SRPK2: variants seen among roughly 807,000 people sequenced by gnomAD.
SRPK2 encodes the protein SRSF protein kinase 2.
In SRPK2, 21 loss-of-function variants were observed where a neutral mutation model predicts 90.8. The ratio of observed to expected loss-of-function variants is 0.23; its 90% confidence interval spans 0.16 to 0.33. The LOEUF is 0.33. Ranked by LOEUF, SRPK2 falls within the 10% of genes least tolerant of loss-of-function variation. SRPK2 has a pLI of 1.00. For synonymous variants in SRPK2, 288 were observed against 311.1 expected (o/e 0.93, Z 0.78); for missense variants, 620 against 869.0 (o/e 0.71, Z 3.60).
chr7:105,301,487 G>A (rs138847723), intron 2 of SRPK2: 14,293 of 1,100,422 alleles, frequency 0.013, 188 homozygotes, highest in South Asian at 0.041. Flanking sequence ...TGCAAGCACC[G>A]TCCACTCAGG....
intron 2 of SRPK2, among the ~76,000 whole-genome samples, chr7:105,224,080 AT>A (rs1349033004): frequency 3.3e-5 from 5 of 152,200 alleles, no homozygotes; most frequent in Non-Finnish European, 4.4e-5. Context: ...GCAATTATTT[AT>A]TTTAGATTGA....
chr7:105,252,198 A>G (rs1802568844), intron 2 of SRPK2, among the ~76,000 whole-genome samples: 1 of 152,240 alleles, frequency 6.6e-6, no homozygotes, highest in Non-Finnish European at 1.5e-5. Context: ...ACAAGGACAA[A>G]TAACTGAGTG....
intron 2 of SRPK2, among the ~76,000 whole-genome samples, chr7:105,323,433 A>T (rs919109991): frequency 1.3e-5 from 2 of 152,224 alleles, no homozygotes; most frequent in South Asian, 2.1e-4. Flanking sequence ...CTAAATTTCA[A>T]ATTTCCAACT....
chr7:105,145,250 G>A, intron 9 of SRPK2, 33 bp downstream of exon 9: 1 of 1,531,318 alleles, frequency 6.5e-7, no homozygotes, highest in Non-Finnish European at 8.8e-7. Context: ...CTTTTAACAT[G>A]GTGCATATAA....
At chr7:105,152,965 C>T (rs896203051) in intron 7 of SRPK2, among the ~76,000 whole-genome samples, 6 of 152,086 alleles carry the variant, frequency 3.9e-5, no homozygotes, top group South Asian at 4.1e-4. Flanking sequence ...ACTCAGGAGG[C>T]GGAGGTTGCA....
chr7:105,374,075 T>C (rs377126987), intron 2 of SRPK2, among the ~76,000 whole-genome samples: 2 of 152,056 alleles, frequency 1.3e-5, no homozygotes, highest in East Asian at 1.9e-4. Flanking sequence ...TTATGGCACA[T>C]GCCACCACGC....
rs1280336355 is a variant in SRPK2, at chr7:105,170,971, AAGAAAG to A, written c.230-1712_230-1707del. On this transcript the variant is annotated intron_variant, in intron 3 of 15. Coordinates refer to ENST00000393651, the MANE Select transcript of SRPK2 (RefSeq NM_182692.3). ...AGAAAGAAAGAAAGAAAGAAAGAGA[AAGAAAG>A]AGAAAGAAAGAAAGAAAGAGAAAGA... 2.5e-4 allele frequency among the ~76,000 whole-genome samples: 20 copies of A among 81,316 alleles called. 3 individuals are homozygous for A. Among genetic ancestry groups the A allele is most frequent in the African/African-American group, 7.6e-4 (15 of 19,690 alleles). 53.3% of individuals were successfully genotyped at this position (81,316 alleles called of 152,430 possible). A position where few individuals can be genotyped will look rare whatever the true frequency, so the allele number is the denominator to read the frequency against.
intron 2 of SRPK2, among the ~76,000 whole-genome samples, chr7:105,374,646 C>T (rs1007660391): frequency 7.2e-5 from 11 of 152,032 alleles, no homozygotes; most frequent in African/African-American, 2.2e-4. Context: ...ATTCGGTCGC[C>T]CAGGTTGGAG....
chr7:105,153,102 G>A (rs1805963432), intron 7 of SRPK2, among the ~76,000 whole-genome samples: 1 of 152,138 alleles, frequency 6.6e-6, no homozygotes, highest in African/African-American at 2.4e-5. Context: ...TGGCTGCCAG[G>A]GAAGCTGAGA....
At chr7:105,379,548 C>T (rs1820698421) in intron 2 of SRPK2, among the ~76,000 whole-genome samples, 1 of 152,058 alleles carries the variant, frequency 6.6e-6, no homozygotes, top group South Asian at 2.1e-4. Context: ...AGTTGTTGCT[C>T]CTAGGTGGTA....
intron 2 of SRPK2, among the ~76,000 whole-genome samples, chr7:105,265,383 G>C (rs1203963297): frequency 1.3e-5 from 2 of 152,160 alleles, no homozygotes; most frequent in Non-Finnish European, 2.9e-5. Flanking sequence ...AAGTACACAG[G>C]TTATGTGCAA....
rs369976745 is a variant in SRPK2 at position 105,161,788 on chromosome 7, G to C, written c.515-1175C>G. Reference sequence around the variant, plus strand: ...TTAAGACCTATTTAATCTTTTCCTTGAATAATATCTTACATTATACAACTA... The same window carrying C: ...TTAAGACCTATTTAATCTTTTCCTTCAATAATATCTTACATTATACAACTA... On this transcript the variant is annotated intron_variant, in intron 6 of 15. Transcript: ENST00000393651. 8.5e-4 allele frequency among the ~76,000 whole-genome samples: 130 copies of C among 152,194 alleles called. 2 individuals are homozygous for C. In the South Asian group the frequency reaches 0.026, roughly 31 times the overall value.
intron 2 of SRPK2, among the ~76,000 whole-genome samples, chr7:105,372,007 C>T (rs547915514): frequency 1.3e-5 from 2 of 151,598 alleles, no homozygotes; most frequent in Admixed American, 6.6e-5. Context: ...TGGTGGCGGG[C>T]GCCTGTAGTC....
intron 11 of SRPK2, among the ~76,000 whole-genome samples, chr7:105,140,465 G>A (rs1325220952): frequency 6.6e-6 from 1 of 151,924 alleles, no homozygotes; most frequent in Non-Finnish European, 1.5e-5. Flanking sequence ...GCCGGGCATG[G>A]TGACGGGCGC....
At chr7:105,141,051 T>A (rs560366653) in intron 11 of SRPK2, among the ~76,000 whole-genome samples, 9 of 152,266 alleles carry the variant, frequency 5.9e-5, no homozygotes, top group African/African-American at 1.9e-4. Context: ...TACTGCCCTT[T>A]CCCAGAAATT....
chr7:105,369,074 T>C (rs1490724475), intron 2 of SRPK2, among the ~76,000 whole-genome samples: 1 of 151,448 alleles, frequency 6.6e-6, no homozygotes, highest in Non-Finnish European at 1.5e-5. Context: ...TCTCTCAGAG[T>C]AGAGCCACCT....
chr7:105,287,475 G>A (rs887072750), intron 2 of SRPK2, among the ~76,000 whole-genome samples: 9 of 152,026 alleles, frequency 5.9e-5, no homozygotes, highest in African/African-American at 9.7e-5. Context: ...AGTGGCTCAC[G>A]CCTGTAATCC....
chr7:105,159,894 G>A (rs1357132710), intron 7 of SRPK2, among the ~76,000 whole-genome samples: 2 of 152,120 alleles, frequency 1.3e-5, no homozygotes, highest in African/African-American at 2.4e-5. Context: ...TGAAATATGT[G>A]TACACTGTGA....
At chr7:105,122,138 A>G (rs1428373200) in intron 15 of SRPK2, among the ~76,000 whole-genome samples, 3 of 152,188 alleles carry the variant, frequency 2.0e-5, no homozygotes, top group East Asian at 3.8e-4. Context: ...ACCCTACCTC[A>G]CATCCCATAC....
Sources: gnomAD v4.1 joint callset for allele counts (sites outside exome capture counted in the v4.1 genomes callset) on GRCh38, gnomAD v4.1.1 for gene constraint, MANE v1.5 for transcripts, NCBI Gene and HGNC (gene_info 2026-07-23, HGNC 2026-07-21) for gene names.